CFAP97D2: variants seen among roughly 807,000 people sequenced by gnomAD.
CFAP97D2 encodes the protein CFAP97 domain containing 2, also known as uncharacterized protein CFAP97D2.
chr13:114,190,987 C>G (rs577635627), intron 1 of CFAP97D2, among the ~76,000 whole-genome samples: 1 of 152,138 alleles, frequency 6.6e-6, no homozygotes, highest in African/African-American at 2.4e-5. Context: ...CAAAGACAGC[C>G]TTTTCACAAA....
rs2080856374 is a variant in CFAP97D2, at chr13:114,187,598, C to G, written c.90+8178C>G. 6.6e-6 allele frequency among the ~76,000 whole-genome samples: 1 copy of G among 152,236 alleles called. No individual in the cohort carries two copies. Among genetic ancestry groups the G allele is most frequent in the Non-Finnish European group, 1.5e-5 (1 of 68,010 alleles). On this transcript the variant is annotated intron_variant, in intron 1 of 4. Coordinates refer to ENST00000646158, the Ensembl canonical transcript of CFAP97D2. This position sits in a 1 kb window ranked among gnomAD's most constrained non-coding sequence, Gnocchi z 4.2. ...GTGCAAGCACCTAACAATAGAATAT[C>G]AAACTACTTGAGATACTACAAGAAA...
At chr13:114,216,688 C>T (rs1300600896) in intron 4 of CFAP97D2, among the ~76,000 whole-genome samples, 1 of 152,166 alleles carries the variant, frequency 6.6e-6, no homozygotes, top group Non-Finnish European at 1.5e-5. Flanking sequence ...TCCAGTCTGT[C>T]ATTGATGGAC....
intron 4 of CFAP97D2, among the ~76,000 whole-genome samples, chr13:114,221,353 C>A (rs988126362): frequency 6.6e-6 from 1 of 152,244 alleles, no homozygotes; most frequent in African/African-American, 2.4e-5. Flanking sequence ...CAGCAACAAG[C>A]CAACATGGCT....
intron 1 of CFAP97D2, among the ~76,000 whole-genome samples, chr13:114,195,646 T>C (rs766441232): frequency 3.9e-5 from 6 of 152,232 alleles, no homozygotes; most frequent in Admixed American, 6.5e-5. Context: ...GTTTCCCTTA[T>C]TTGTACCTTT....
chr13:114,194,652 CA>C (rs1338661653), intron 1 of CFAP97D2, among the ~76,000 whole-genome samples: 1 of 152,124 alleles, frequency 6.6e-6, no homozygotes, highest in Non-Finnish European at 1.5e-5. Flanking sequence ...ATGATGGTTA[CA>C]AAATGGTGAT....
At chr13:114,179,272 C>A, upstream of CFAP97D2, 2 of 398,592 alleles carry the variant, frequency 5.0e-6, no homozygotes, top group South Asian at 2.6e-4. This position sits in a 1 kb window ranked among gnomAD's most constrained non-coding sequence, Gnocchi z 4.8. Flanking sequence ...GTCTCCAGGT[C>A]TGCACCAGGC....
chr13:114,202,821 C>T (rs1232903414), intron 3 of CFAP97D2, among the ~76,000 whole-genome samples: 16 of 152,150 alleles, frequency 1.1e-4, no homozygotes, highest in Admixed American at 1.0e-3. Context: ...AGCCAAGATC[C>T]CCTTGGTCTG....
In CFAP97D2 at chr13:114,211,722, G is replaced by A. The variant is rs180674367; in HGVS notation, c.291-190G>A. ...CGCGCCGGGGCTGAGTGTGCCCTTC[G>A]CTCCTCTCTGAGCCAGCAGCTCCCA... is the stretch of plus-strand genomic sequence containing the variant. On this transcript the variant is annotated intron_variant, in intron 3 of 4. Transcript: ENST00000646158. This position sits in a 1 kb window ranked among gnomAD's most constrained non-coding sequence, Gnocchi z 4.2. Among the ~76,000 whole-genome samples, 2 of 152,178 alleles carry A rather than the reference G, an allele frequency of 1.3e-5. No homozygotes were observed. Among genetic ancestry groups the A allele is most frequent in the South Asian group, 2.1e-4 (1 of 4,832 alleles).
Position 114,188,605 on chromosome 13 carries a change from G to A in CFAP97D2, c.91-7791G>A, listed in dbSNP as rs575131737. 1.4e-4 allele frequency among the ~76,000 whole-genome samples: 22 copies of A among 151,792 alleles called. No homozygotes were observed. The South Asian group carries it at 2.3e-3, about 16-fold the overall frequency. On this transcript the variant is annotated intron_variant, in intron 1 of 4. Coordinates refer to ENST00000646158, the Ensembl canonical transcript of CFAP97D2. ...ATCCTGGCTAACACGGTGAAACCCC[G>A]TCTCCACTAAACATACAAAAAATTA...
chr13:114,198,996 G>T (rs1237791964), intron 2 of CFAP97D2, among the ~76,000 whole-genome samples: 1 of 43,682 alleles, frequency 2.3e-5, no homozygotes, highest in Non-Finnish European at 3.6e-5. Context: ...GTGACAGCGC[G>T]TCCCCGTGTG....
At chr13:114,205,160 TGA>T in intron 3 of CFAP97D2, among the ~76,000 whole-genome samples, 1 of 152,174 alleles carries the variant, frequency 6.6e-6, no homozygotes, top group Non-Finnish European at 1.5e-5. Flanking sequence ...GGAATCAAAA[TGA>T]CAGATAAGAA....
At chr13:114,212,800 C>T (rs969193307) in intron 4 of CFAP97D2, among the ~76,000 whole-genome samples, 5 of 152,050 alleles carry the variant, frequency 3.3e-5, no homozygotes, top group Non-Finnish European at 2.9e-5. Flanking sequence ...TGCAGTGAGC[C>T]GAGATCTTGC....
At chr13:114,214,033 A>G (rs1017220365) in intron 4 of CFAP97D2, 1 of 151,568 alleles carries the variant, frequency 6.6e-6, no homozygotes, top group Admixed American at 6.6e-5. Flanking sequence ...CCTAACCCTA[A>G]CCCTAACCCT....
chr13:114,220,909 C>T (rs1363260723), intron 4 of CFAP97D2, among the ~76,000 whole-genome samples: 1 of 152,220 alleles, frequency 6.6e-6, no homozygotes, highest in Non-Finnish European at 1.5e-5. Context: ...TCCTGGACCT[C>T]ACGTCAGGGT....
At chr13:114,218,149 C>T (rs1160652051) in intron 4 of CFAP97D2, among the ~76,000 whole-genome samples, 2 of 152,210 alleles carry the variant, frequency 1.3e-5, no homozygotes, top group Non-Finnish European at 2.9e-5. Flanking sequence ...CCCAAAATCT[C>T]CTTAAGCTGA....
At chr13:114,217,236 G>T (rs1474894444) in intron 4 of CFAP97D2, among the ~76,000 whole-genome samples, 2 of 152,176 alleles carry the variant, frequency 1.3e-5, no homozygotes, top group Non-Finnish European at 2.9e-5. Context: ...TACCATCAGA[G>T]AATACTATAA....
At chr13:114,190,512 G>A (rs1457166715) in intron 1 of CFAP97D2, among the ~76,000 whole-genome samples, 4 of 152,110 alleles carry the variant, frequency 2.6e-5, no homozygotes, top group Non-Finnish European at 5.9e-5. Context: ...AGCAAGTGAC[G>A]ACTGAGATTA....
intron 1 of CFAP97D2, among the ~76,000 whole-genome samples, chr13:114,184,439 C>T (rs991243755): frequency 6.6e-6 from 1 of 152,174 alleles, no homozygotes; most frequent in Non-Finnish European, 1.5e-5. Flanking sequence ...CTAGGCATAT[C>T]GTGTTCAAAC....
chr13:114,222,652 C>G (rs1166302861), downstream of CFAP97D2: 2 of 395,204 alleles, frequency 5.1e-6, no homozygotes, highest in African/African-American at 2.1e-5. This position sits in a 1 kb window ranked among gnomAD's most constrained non-coding sequence, Gnocchi z 4.4. Context: ...TGAGCTCCCC[C>G]AGGCTAACAC....
Sources: gnomAD v4.1 joint callset for allele counts (sites outside exome capture counted in the v4.1 genomes callset) on GRCh38, gnomAD v4.1.1 for gene constraint, Gnocchi (gnomAD v3.1) non-coding constraint, MANE v1.5 for transcripts, NCBI Gene and HGNC (gene_info 2026-07-23, HGNC 2026-07-21) for gene names.